The following LYST variants were observed in gnomAD, a reference collection of about 807,000 sequenced individuals.
LYST encodes the protein lysosomal trafficking regulator.
In LYST, 192 loss-of-function variants were observed where a neutral mutation model predicts 413.6. The ratio of observed to expected loss-of-function variants is 0.46; its 90% confidence interval spans 0.41 to 0.52. LYST has a LOEUF of 0.52. Ranked by LOEUF, LYST falls within the 20% of genes least tolerant of loss-of-function variation. The pLI is 0.00. For synonymous variants in LYST, 1,525 were observed against 1,567.3 expected, an observed-to-expected ratio of 0.97 and a Z score of 0.64; for missense variants, 3,815 against 4,499.9, an observed-to-expected ratio of 0.85 and a Z score of 4.35.
chr1:235,692,812 G>T (rs1278705931), intron 47 of LYST, among the ~76,000 whole-genome samples: 1 of 148,006 alleles, frequency 6.8e-6, no homozygotes, highest in East Asian at 2.1e-4. Context: ...TTTGAGTCCA[G>T]GAGTTTGAGG....
chr1:235,841,315 AT>A (rs200714576), intron 1 of LYST, among the ~76,000 whole-genome samples: 87 of 151,276 alleles, frequency 5.8e-4, no homozygotes, highest in East Asian at 3.1e-3. Flanking sequence ...AGGTTAAGGA[AT>A]TTTTTTTTTC....
chr1:235,771,601 T>C (rs1009688646), intron 19 of LYST, among the ~76,000 whole-genome samples: 1 of 151,182 alleles, frequency 6.6e-6, no homozygotes, highest in Non-Finnish European at 1.5e-5. Context: ...ATCTTATCTT[T>C]TTTTTTTAGA....
intron 1 of LYST, among the ~76,000 whole-genome samples, chr1:235,860,490 G>A (rs1679739238): frequency 6.6e-6 from 1 of 152,138 alleles, no homozygotes; most frequent in Non-Finnish European, 1.5e-5. Flanking sequence ...AATCTTCTGT[G>A]CTCTGCGTAT....
rs1283508188 is a variant in LYST at position 235,746,444 on chromosome 1, T to C, written c.7864A>G (p.Met2622Val). Reference sequence around the variant, plus strand: ...TTCTCTTGGCTCATTCTCCGTTGCATCATCACATGAAGCTCATCATTTGCC... The same window carrying C: ...TTCTCTTGGCTCATTCTCCGTTGCACCATCACATGAAGCTCATCATTTGCC... ...SVANDELHVM[M>V]QRRMSQENPS... Residue 2622 changes from methionine to valine, a missense_variant, in exon 29 of 53, where the codon ATG becomes GTG. Coordinates refer to ENST00000389793, the MANE Select transcript of LYST (RefSeq NM_000081.4). 1 of 1,613,952 alleles carries C rather than the reference T, an allele frequency of 6.2e-7. No homozygotes were observed. The highest frequency in any genetic ancestry group is 8.5e-7 in the Non-Finnish European group (1 of 1,179,888).
At chr1:235,730,759 G>T in intron 36 of LYST, 88 bp downstream of exon 36, 1 of 973,058 alleles carries the variant, frequency 1.0e-6, no homozygotes. Flanking sequence ...TGAAAATGAT[G>T]GCATTATATA....
intron 46 of LYST, among the ~76,000 whole-genome samples, chr1:235,694,087 G>A (rs1660894102): frequency 6.7e-6 from 1 of 148,966 alleles, no homozygotes; most frequent in Non-Finnish European, 1.5e-5. Flanking sequence ...TCGGCTCACT[G>A]CAACCTCCGC....
chr1:235,775,711 T>C (rs1026756602), intron 17 of LYST, among the ~76,000 whole-genome samples: 1 of 151,792 alleles, frequency 6.6e-6, no homozygotes, highest in Non-Finnish European at 1.5e-5. Context: ...AGCCAAATCC[T>C]GGAAAGCAGG....
chr1:235,735,637 C>A (rs1298396207), intron 31 of LYST: 1 of 152,028 alleles, frequency 6.6e-6, no homozygotes, highest in African/African-American at 2.4e-5. Context: ...AGCATTGACA[C>A]AAATATCACT....
intron 1 of LYST, among the ~76,000 whole-genome samples, chr1:235,863,946 A>G (rs541789105): frequency 1.3e-5 from 2 of 152,318 alleles, no homozygotes; most frequent in Admixed American, 1.3e-4. Flanking sequence ...GTTTAGCATA[A>G]CATCCTGGAT....
At chr1:235,727,639 T>A (rs1178267938) in intron 38 of LYST, among the ~76,000 whole-genome samples, 1 of 152,200 alleles carries the variant, frequency 6.6e-6, no homozygotes, top group Non-Finnish European at 1.5e-5. Flanking sequence ...TTAATATCAG[T>A]CTGTCTAGAA....
chr1:235,810,561 G>A, intron 4 of LYST, 27 bp from the exon 5 acceptor site: 1 of 1,593,548 alleles, frequency 6.3e-7, no homozygotes, highest in Non-Finnish European at 8.6e-7. Context: ...AGAAGGCTTA[G>A]AATACCTCAA....
intron 47 of LYST, among the ~76,000 whole-genome samples, chr1:235,687,707 C>T (rs955770909): frequency 1.8e-4 from 27 of 152,230 alleles, no homozygotes; most frequent in Non-Finnish European, 2.2e-4. Flanking sequence ...CAACTGCTCT[C>T]CTGTCCCACC....
In LYST at chr1:235,697,234, T is replaced by C. The variant is rs1245516281; in HGVS notation, c.10413A>G (p.Glu3471=). 1.9e-6 allele frequency: 3 copies of C among 1,613,980 alleles called. No individual in the cohort carries two copies. The highest frequency in any genetic ancestry group is 1.3e-5 in the African/African-American group (1 of 74,912). ...LSWIKGLKWG[E]YVGSPSAPVP... ...CTGGAGCACTGGGGGAACCCACGTA[T>C]TCCCCCCATTTCAAGCCTTTTATCC... Residue 3471 remains glutamate, a synonymous_variant, in exon 46 of 53, where the codon GAA becomes GAG. Coordinates refer to ENST00000389793, the MANE Select transcript of LYST (RefSeq NM_000081.4).
At chr1:235,842,386 G>A (rs1021082216) in intron 1 of LYST, among the ~76,000 whole-genome samples, 1 of 152,102 alleles carries the variant, frequency 6.6e-6, no homozygotes, top group Non-Finnish European at 1.5e-5. Flanking sequence ...CCACAGTGTG[G>A]CCCTGCAAGC....
chr1:235,828,233 A>C, intron 3 of LYST: 1 of 830,952 alleles, frequency 1.2e-6, no homozygotes, highest in Non-Finnish European at 1.5e-6. Context: ...ATCTGGAGAG[A>C]TAGAAAGTAG....
At position 235,690,865 on chromosome 1, in the gene LYST, T is replaced by C. The variant is rs185006525; in HGVS notation, c.10701+2485A>G. ...CCATACGATTTACAGTCTGGAACGG[T>C]TGCAGCAGCATACTGTATATTTACA... On this transcript the variant is annotated intron_variant, in intron 47 of 52. Transcript: ENST00000389793. Among the ~76,000 whole-genome samples the C allele has an allele frequency of 2.0e-3, 302 of 152,120 alleles. 1 individual carries two copies. The highest frequency in any genetic ancestry group is 6.8e-3 in the African/African-American group (284 of 41,506).
chr1:235,739,895 TA>T (rs562358125), intron 31 of LYST, among the ~76,000 whole-genome samples: 2 of 152,136 alleles, frequency 1.3e-5, no homozygotes, highest in Non-Finnish European at 2.9e-5. Context: ...CAACCACAGT[TA>T]AAAATTTCAA....
chr1:235,794,986 T>C (rs1028955524), intron 10 of LYST, among the ~76,000 whole-genome samples: 2 of 152,150 alleles, frequency 1.3e-5, no homozygotes, highest in South Asian at 2.1e-4. Flanking sequence ...CAAAAATATG[T>C]GGGGGCAGTG....
chr1:235,762,044 A>G (rs1572178684), intron 22 of LYST, among the ~76,000 whole-genome samples: 1 of 152,014 alleles, frequency 6.6e-6, no homozygotes. Context: ...TAATGGGTGC[A>G]GCACACCAAC....
Sources: allele counts gnomAD v4.1 joint callset (sites outside exome capture counted in the v4.1 genomes callset), GRCh38; gene constraint gnomAD v4.1.1; transcripts MANE v1.5; gene names NCBI Gene and HGNC (gene_info 2026-07-23, HGNC 2026-07-21).